The following ARHGEF28 variants were observed in gnomAD, a reference collection of about 807,000 sequenced individuals.
The protein encoded by ARHGEF28 is 190 kDa guanine nucleotide exchange factor.
ARHGEF28 carries 152 observed loss-of-function variants against 206.6 expected under a neutral mutation model. The observed-to-expected ratio is 0.74, with a 90% confidence interval of 0.64 to 0.84. The LOEUF (loss-of-function observed/expected upper bound fraction) is 0.84, where lower values mean the gene tolerates loss of function less well. Among genes scored for constraint, ARHGEF28 ranks in the 40% least tolerant of loss-of-function variants. The probability of loss-of-function intolerance (pLI) is 0.00; values close to 1 mark genes in which losing one functional copy is unlikely to be tolerated. For missense variants in ARHGEF28, 2,028 were observed against 2,073.2 expected (o/e 0.98, Z 0.42); for synonymous variants, 763 against 776.4 (o/e 0.98, Z 0.29).
chr5:73,910,381 C>CAAAAAA lies in ARHGEF28; in HGVS notation c.4647+504_4647+509dup, dbSNP rs60086897. On this transcript the variant is annotated intron_variant, in intron 34 of 35. Transcript: ENST00000513042. ...GGGTGACAAAAGTAAAACACCATCTCAAAAAAAAAAAAAAAAAAAAAAAAA... is the reference window on the plus strand; with the variant it reads ...GGGTGACAAAAGTAAAACACCATCTCAAAAAAAAAAAAAAAAAAAAAAAAAAAAAAA... Among the ~76,000 whole-genome samples, 47 of 30,970 alleles carry CAAAAAA rather than the reference C, an allele frequency of 1.5e-3. 1 individual carries two copies. Among genetic ancestry groups the CAAAAAA allele is most frequent in the East Asian group, 4.5e-3 (3 of 670 alleles). The allele number at this position is 30,970 out of a possible 152,430, so 20.3% of individuals were successfully genotyped here.
intron 14 of ARHGEF28, among the ~76,000 whole-genome samples, chr5:73,854,195 A>G (rs1339099891): frequency 1.3e-5 from 2 of 152,080 alleles, no homozygotes; most frequent in African/African-American, 4.8e-5. Context: ...ATAAGATCCC[A>G]AGCCATACCT....
At chr5:73,886,995 C>T (rs1391760295) in intron 25 of ARHGEF28, among the ~76,000 whole-genome samples, 1 of 152,176 alleles carries the variant, frequency 6.6e-6, no homozygotes, top group Admixed American at 6.5e-5. Context: ...GAGGTTGCAA[C>T]TAATATCTGA....
At chr5:73,901,012 A>G (rs2112706447) in intron 30 of ARHGEF28, 172 bp from the exon 31 acceptor site, 1 of 543,254 alleles carries the variant, frequency 1.8e-6, no homozygotes, top group Non-Finnish European at 3.3e-6. Flanking sequence ...GGCAGGGACC[A>G]CATGCATTGC....
intron 15 of ARHGEF28, 55 bp from the exon 16 acceptor site, chr5:73,858,032 C>A: frequency 6.5e-7 from 1 of 1,549,772 alleles, no homozygotes. Context: ...TGGCTCACAG[C>A]GTTTTCCTTT....
At chr5:73,806,948 A>G (rs1755541333) in intron 9 of ARHGEF28, among the ~76,000 whole-genome samples, 1 of 148,298 alleles carries the variant, frequency 6.7e-6, no homozygotes, top group Admixed American at 6.7e-5. Flanking sequence ...CTTTATATAT[A>G]CAATATTAAA....
chr5:73,685,603 A>T (rs951456414), intron 2 of ARHGEF28, among the ~76,000 whole-genome samples: 3 of 151,922 alleles, frequency 2.0e-5, no homozygotes, highest in African/African-American at 7.3e-5. Context: ...AATTGAAACA[A>T]ATTTTATTTT....
In ARHGEF28 at chr5:73,914,502, T is replaced by TCCTCCACC. The variant is rs1290349986; in HGVS notation, c.4948+2927_4948+2928insCCTCCACC. On this transcript the variant is annotated intron_variant, in intron 35 of 35. Coordinates refer to ENST00000513042, the MANE Select transcript of ARHGEF28 (RefSeq NM_001177693.2). ...ACCTCCACCTCCCGAGTTCAGGTGA[T>TCCTCCACC]TCTCCTGCCTCAGCCTCCTGAGTAG... 4.0e-5 allele frequency among the ~76,000 whole-genome samples: 6 copies of TCCTCCACC among 148,932 alleles called. No homozygotes were observed. In the East Asian group the frequency reaches 1.2e-3, roughly 30 times the overall value.
intron 7 of ARHGEF28, among the ~76,000 whole-genome samples, chr5:73,786,056 C>CA (rs61560155): frequency 0.039 from 2,945 of 76,292 alleles, 50 homozygotes; most frequent in Middle Eastern, 0.095. Flanking sequence ...TGGCAGTAAC[C>CA]AAAAAAAAAA....
intron 2 of ARHGEF28, among the ~76,000 whole-genome samples, chr5:73,729,842 G>A (rs1295723775): frequency 6.6e-6 from 1 of 152,154 alleles, no homozygotes; most frequent in African/African-American, 2.4e-5. Context: ...CTATGAACCA[G>A]TTACACACTA....
intron 31 of ARHGEF28, chr5:73,902,300 C>G (rs1273945913): frequency 1.3e-5 from 2 of 152,066 alleles, no homozygotes; most frequent in East Asian, 3.8e-4. Flanking sequence ...TTAAAATGTT[C>G]CTGCTTTTCA....
chr5:73,770,345 CA>C (rs1753154648), intron 4 of ARHGEF28, among the ~76,000 whole-genome samples: 1 of 152,168 alleles, frequency 6.6e-6, no homozygotes, highest in Non-Finnish European at 1.5e-5. Context: ...TCCTGTTATG[CA>C]GTAAGGAATG....
rs537712229 is a variant in ARHGEF28 at position 73,901,912 on chromosome 5, C to T, written c.4074+628C>T. 5 of 152,234 alleles carry T rather than the reference C, an allele frequency of 3.3e-5. No homozygotes were observed. In the South Asian group the frequency reaches 1.0e-3, roughly 32 times the overall value. 9.4% of individuals were successfully genotyped at this position (152,234 alleles called of 1,614,324 possible). ...AATACATAAAACTTCCTATTAATGTCTACTGAAAGTGAGATGTCAGAAATA... is the reference window on the plus strand; with the variant it reads ...AATACATAAAACTTCCTATTAATGTTTACTGAAAGTGAGATGTCAGAAATA... On this transcript the variant is annotated intron_variant, in intron 31 of 35. Transcript: ENST00000513042.
chr5:73,645,332 A>G (rs1744362915), intron 1 of ARHGEF28, among the ~76,000 whole-genome samples: 2 of 152,100 alleles, frequency 1.3e-5, no homozygotes, highest in African/African-American at 4.8e-5. Context: ...CATATTTTTA[A>G]AAAGTATTTA....
chr5:73,727,304 C>T (rs1300839085), intron 2 of ARHGEF28, among the ~76,000 whole-genome samples: 1 of 152,158 alleles, frequency 6.6e-6, no homozygotes, highest in Admixed American at 6.5e-5. Flanking sequence ...GAGTTTGTCT[C>T]CTTGCTTAGA....
chr5:73,719,413 A>G (rs1259028695), intron 2 of ARHGEF28, among the ~76,000 whole-genome samples: 5 of 63,862 alleles, frequency 7.8e-5, no homozygotes, highest in South Asian at 7.3e-4. Context: ...TCCGTCTCAG[A>G]AAAAAAAAAA....
At chr5:73,702,417 A>G (rs1748657623) in intron 2 of ARHGEF28, among the ~76,000 whole-genome samples, 3 of 152,194 alleles carry the variant, frequency 2.0e-5, no homozygotes, top group African/African-American at 7.2e-5. Context: ...CCTCTGAGTG[A>G]TAACTCCTCA....
intron 4 of ARHGEF28, among the ~76,000 whole-genome samples, chr5:73,759,524 G>A (rs1752489899): frequency 6.6e-6 from 1 of 152,126 alleles, no homozygotes; most frequent in Non-Finnish European, 1.5e-5. Context: ...GAAAGAAAAG[G>A]AAAAGAAATA....
chr5:73,715,622 T>A (rs1749540095), intron 2 of ARHGEF28, among the ~76,000 whole-genome samples: 1 of 152,232 alleles, frequency 6.6e-6, no homozygotes, highest in African/African-American at 2.4e-5. Flanking sequence ...ATTATTGCTA[T>A]TTTGATGTTA....
intron 9 of ARHGEF28, among the ~76,000 whole-genome samples, chr5:73,821,170 C>A (rs1756563204): frequency 1.3e-5 from 2 of 152,070 alleles, no homozygotes; most frequent in Non-Finnish European, 2.9e-5. Context: ...AAACAGGATT[C>A]AGGAATTAAG....
Sources: allele counts gnomAD v4.1 joint callset (sites outside exome capture counted in the v4.1 genomes callset), GRCh38; gene constraint gnomAD v4.1.1; transcripts MANE v1.5; gene names NCBI Gene and HGNC (gene_info 2026-07-23, HGNC 2026-07-21).